The following SMAP1 variants were observed in gnomAD, a reference collection of about 807,000 sequenced individuals.
SMAP1 encodes stromal membrane-associated protein 1.
In SMAP1, 24 loss-of-function variants were observed where a neutral mutation model predicts 58.5. That is an observed-to-expected ratio of 0.41 (90% CI 0.30 to 0.58). The LOEUF is 0.58. Among genes scored for constraint, SMAP1 ranks in the 20% least tolerant of loss-of-function variants. The pLI is 0.29. For missense variants in SMAP1, 563 were observed against 566.3 expected, an observed-to-expected ratio of 0.99 and a Z score of 0.06; for synonymous variants, 216 against 196.6, an observed-to-expected ratio of 1.10 and a Z score of -0.82.
rs542945922 is a variant in SMAP1, at chr6:70,720,036, A to G, written c.119-12342A>G. 2.0e-5 allele frequency among the ~76,000 whole-genome samples: 3 copies of G among 152,306 alleles called. No homozygotes were observed. In the South Asian group the frequency reaches 6.2e-4, roughly 32 times the overall value. ...TGTAACTCATTTCAGCATTAACCAAAAAGTCCACAGTCCAAATTCTCATCT... is the reference window on the plus strand; with the variant it reads ...TGTAACTCATTTCAGCATTAACCAAGAAGTCCACAGTCCAAATTCTCATCT... On this transcript the variant is annotated intron_variant, in intron 1 of 10. Coordinates refer to ENST00000370455, the MANE Select transcript of SMAP1 (RefSeq NM_001044305.3).
At chr6:70,729,487 GTGTGTGTA>G (rs1562119420) in intron 1 of SMAP1, among the ~76,000 whole-genome samples, 2 of 150,864 alleles carry the variant, frequency 1.3e-5, no homozygotes, top group African/African-American at 2.4e-5. Flanking sequence ...GTGTGTGTGT[GTGTGTGTA>G]TGTGTGTATG....
intron 1 of SMAP1, among the ~76,000 whole-genome samples, chr6:70,671,526 C>T (rs1242122384): frequency 6.6e-6 from 1 of 152,030 alleles, no homozygotes. Flanking sequence ...TGCAGTGAGC[C>T]GAGATCGCGC....
In SMAP1 at chr6:70,837,868, G is replaced by T. The variant is rs768068243; in HGVS notation, c.664+840G>T. On this transcript the variant is annotated intron_variant, in intron 7 of 10. Transcript: ENST00000370455. ...TTCATGTACTGCTTTCCAAAAAATT[G>T]ATCCTAGTTGTTATTGAATAAATTG... The T allele has an allele frequency of 1.0e-5, 13 of 1,247,932 alleles. No individual in the cohort carries two copies. In the South Asian group the frequency reaches 1.9e-4, roughly 18 times the overall value. 77.3% of individuals were successfully genotyped at this position (1,247,932 alleles called of 1,614,324 possible).
intron 1 of SMAP1, among the ~76,000 whole-genome samples, chr6:70,684,884 T>A (rs1255264877): frequency 3.3e-5 from 5 of 152,220 alleles, no homozygotes; most frequent in African/African-American, 1.2e-4. Context: ...GAAAGCTCAC[T>A]GCTCTGTTTT....
chr6:70,839,167 G>A (rs1280400865), intron 7 of SMAP1, among the ~76,000 whole-genome samples: 3 of 152,108 alleles, frequency 2.0e-5, no homozygotes, highest in African/African-American at 7.2e-5. Context: ...TCTTTCTGTG[G>A]GTCAGCTAGG....
chr6:70,794,210 T>C (rs1307637154), intron 5 of SMAP1, among the ~76,000 whole-genome samples: 1 of 152,216 alleles, frequency 6.6e-6, no homozygotes, highest in Non-Finnish European at 1.5e-5. Context: ...TTTTAAAATA[T>C]AAAATACTGC....
chr6:70,718,682 G>A (rs1043598536), intron 1 of SMAP1, among the ~76,000 whole-genome samples: 18 of 151,956 alleles, frequency 1.2e-4, no homozygotes, highest in South Asian at 4.2e-4. Context: ...TTAGCTGGGC[G>A]TGGTGGCGGG....
intron 6 of SMAP1, among the ~76,000 whole-genome samples, chr6:70,816,006 T>A (rs1010217330): frequency 6.6e-6 from 1 of 152,096 alleles, no homozygotes. Flanking sequence ...AAGGGGATGA[T>A]ATGATAAATA....
At chr6:70,772,930 TA>T (rs1334569828) in intron 3 of SMAP1, 2 of 157,000 alleles carry the variant, frequency 1.3e-5, no homozygotes, top group African/African-American at 4.8e-5. Flanking sequence ...TGGGAGGAAT[TA>T]AAGGACCCAA....
chr6:70,703,645 TGGG>T lies in SMAP1; in HGVS notation c.119-28732_119-28730del, dbSNP rs1286365384. On this transcript the variant is annotated intron_variant, in intron 1 of 10. Transcript: ENST00000370455. ...TCAAGTTAGTTTCCTCTAATTGTTT[TGGG>T]TGGGGTTTTCCCTACCTTCTGTAGT... 2.8e-4 allele frequency among the ~76,000 whole-genome samples: 43 copies of T among 152,362 alleles called. No individual in the cohort carries two copies. The South Asian group carries it at 3.9e-3, about 14-fold the overall frequency.
chr6:70,775,662 GTTCC>G (rs1027973011), intron 4 of SMAP1, among the ~76,000 whole-genome samples: 2 of 152,138 alleles, frequency 1.3e-5, no homozygotes, highest in Admixed American at 1.3e-4. Flanking sequence ...TCACTCTACA[GTTCC>G]TTCCTTTTTT....
chr6:70,672,071 A>G (rs1193959727), intron 1 of SMAP1, among the ~76,000 whole-genome samples: 1 of 152,224 alleles, frequency 6.6e-6, no homozygotes, highest in Non-Finnish European at 1.5e-5. Flanking sequence ...TTTGTTCCGC[A>G]GATCTTGACT....
At chr6:70,738,625 C>T (rs893712744) in intron 2 of SMAP1, among the ~76,000 whole-genome samples, 3 of 152,068 alleles carry the variant, frequency 2.0e-5, no homozygotes, top group African/African-American at 7.2e-5. Context: ...GAAAAAATTT[C>T]TTATGGAAGG....
chr6:70,855,625 G>C (rs1441292035), intron 8 of SMAP1, among the ~76,000 whole-genome samples: 2 of 152,134 alleles, frequency 1.3e-5, no homozygotes, highest in African/African-American at 4.8e-5. Flanking sequence ...CCATTGTGCA[G>C]AACACTTTTG....
intron 9 of SMAP1, chr6:70,857,596 C>G (rs934483398): frequency 7.1e-5 from 19 of 267,450 alleles, no homozygotes; most frequent in African/African-American, 3.8e-4. Flanking sequence ...ACTGGGGGAC[C>G]AGTGGTACAA....
chr6:70,687,092 T>G (rs1766967121), intron 1 of SMAP1, among the ~76,000 whole-genome samples: 1 of 152,226 alleles, frequency 6.6e-6, no homozygotes, highest in Admixed American at 6.5e-5. Flanking sequence ...ATTCACTTTC[T>G]TAATTCCAGT....
At chr6:70,860,085 C>A in intron 10 of SMAP1, 115 bp from the exon 11 acceptor site, 1 of 1,178,982 alleles carries the variant, frequency 8.5e-7, no homozygotes, top group Non-Finnish European at 1.2e-6. Flanking sequence ...TGTTTTTATT[C>A]CAGTGCTTGG....
intron 1 of SMAP1, among the ~76,000 whole-genome samples, chr6:70,731,735 G>A (rs942804041): frequency 1.6e-4 from 24 of 152,218 alleles, no homozygotes; most frequent in African/African-American, 5.3e-4. Flanking sequence ...TTGATGCAAC[G>A]CTTTTTGAAG....
At chr6:70,737,629 A>G (rs1218616082) in intron 2 of SMAP1, among the ~76,000 whole-genome samples, 1 of 152,246 alleles carries the variant, frequency 6.6e-6, no homozygotes, top group East Asian at 1.9e-4. Flanking sequence ...TCCAGCAGTT[A>G]GAACATTTAT....
Sources: allele counts gnomAD v4.1 joint callset (sites outside exome capture counted in the v4.1 genomes callset), GRCh38; gene constraint gnomAD v4.1.1; transcripts MANE v1.5; gene names NCBI Gene and HGNC (gene_info 2026-07-23, HGNC 2026-07-21).